The following NBEA variants were observed in gnomAD, a reference collection of about 807,000 sequenced individuals.
The protein encoded by NBEA is lysosomal-trafficking regulator 2.
A neutral mutation model predicts 343.4 loss-of-function variants in NBEA; 44 were observed. The observed-to-expected ratio is 0.13, with a 90% CI of 0.10 to 0.16. The LOEUF is 0.16. Ranked by LOEUF, NBEA falls within the 10% of genes least tolerant of loss-of-function variation. The pLI, the probability that NBEA is intolerant of heterozygous loss-of-function variation, is 1.00. For missense variants in NBEA, 2,555 were observed against 3,631.3 expected (o/e 0.70, Z 7.62); for synonymous variants, 1,175 against 1,238.7 (o/e 0.95, Z 1.08).
At chr13:35,175,823 G>T (rs968870450) in intron 27 of NBEA, among the ~76,000 whole-genome samples, 1 of 151,958 alleles carries the variant, frequency 6.6e-6, no homozygotes, top group African/African-American at 2.4e-5. Flanking sequence ...CAAGTTTCTT[G>T]CATGAATCCC....
chr13:35,061,589 G>T (rs555898632), intron 8 of NBEA, among the ~76,000 whole-genome samples: 1 of 151,806 alleles, frequency 6.6e-6, no homozygotes, highest in Admixed American at 6.6e-5. Context: ...TTCATTGCCA[G>T]ATATTTGAAA....
chr13:35,427,703 T>G (rs182044629), intron 38 of NBEA, among the ~76,000 whole-genome samples: 2,055 of 152,240 alleles, frequency 0.013, 58 homozygotes, highest in African/African-American at 0.047. Flanking sequence ...ACTGCTGTCT[T>G]TTTGTTTGTC....
Position 35,164,393 on chromosome 13 carries a change from A to G in NBEA, c.4117A>G (p.Asn1373Asp). Reference protein sequence around the residue: ...TKSVMDFVNSNENIIFVHNTI... With the variant: ...TKSVMDFVNSDENIIFVHNTI... ...GTCTGTAATGGATTTTGTCAATAGCAATGAAAATATTATTTTTGTACATAA... is the reference window on the plus strand; with the variant it reads ...GTCTGTAATGGATTTTGTCAATAGCGATGAAAATATTATTTTTGTACATAA... The change falls in exon 24 of 59, where the codon AAT becomes GAT. Residue 1373 changes from asparagine (N) to aspartate (D), a missense_variant. Asn to Asp is a conservative substitution (Grantham distance 23). Around this residue, in one of 21 missense-constraint regions of NBEA, gnomAD observed 69 missense variants for 128.8 expected, o/e 0.54. Coordinates refer to ENST00000379939, the MANE Select transcript of NBEA (RefSeq NM_001385012.1). 1 of 1,590,202 alleles carries G rather than the reference A, an allele frequency of 6.3e-7. No individual in the cohort carries two copies. Among genetic ancestry groups the G allele is most frequent in the Non-Finnish European group, 8.6e-7 (1 of 1,166,174 alleles).
intron 38 of NBEA, among the ~76,000 whole-genome samples, chr13:35,386,138 A>G (rs2152895832): frequency 6.6e-6 from 1 of 152,246 alleles, no homozygotes; most frequent in Non-Finnish European, 1.5e-5. Context: ...AATTTGGAAG[A>G]TTTTTTTAAA....
At chr13:35,333,618 C>T (rs2039065647) in intron 36 of NBEA, among the ~76,000 whole-genome samples, 4 of 151,948 alleles carry the variant, frequency 2.6e-5, no homozygotes, top group Admixed American at 2.6e-4. Context: ...TTGTGCTATT[C>T]AATATTAGGC....
chr13:35,308,470 A>ATG (rs2037080778), intron 35 of NBEA, among the ~76,000 whole-genome samples: 2 of 103,120 alleles, frequency 1.9e-5, no homozygotes, highest in African/African-American at 7.8e-5. Flanking sequence ...ATATATATAT[A>ATG]TATGTATATA....
At chr13:35,306,784 A>G (rs1376716415) in intron 35 of NBEA, among the ~76,000 whole-genome samples, 1 of 151,990 alleles carries the variant, frequency 6.6e-6, no homozygotes, top group African/African-American at 2.4e-5. Context: ...CTGTTCTTAA[A>G]TTTTGATAGA....
intron 45 of NBEA, among the ~76,000 whole-genome samples, chr13:35,574,756 GA>G (rs2080647243): frequency 6.9e-6 from 1 of 144,390 alleles, no homozygotes; most frequent in Admixed American, 6.9e-5. Context: ...AGTGCCAATA[GA>G]TTTTTTTTTT....
chr13:35,610,043 C>T (rs572642415), intron 48 of NBEA, among the ~76,000 whole-genome samples: 11 of 152,324 alleles, frequency 7.2e-5, no homozygotes, highest in African/African-American at 2.2e-4. Flanking sequence ...CCTCCAGATT[C>T]GTCCACTGAA....
intron 13 of NBEA, among the ~76,000 whole-genome samples, chr13:35,116,741 A>G (rs1268287443): frequency 6.6e-6 from 1 of 152,046 alleles, no homozygotes; most frequent in East Asian, 1.9e-4. Flanking sequence ...TTTTAAAAGT[A>G]TTCTGTATTG....
chr13:34,944,802 A>G (rs948624024), intron 1 of NBEA, among the ~76,000 whole-genome samples: 1 of 152,188 alleles, frequency 6.6e-6, no homozygotes, highest in Admixed American at 6.5e-5. Context: ...ATATTAGGCT[A>G]TTTTAGTAAG....
intron 17 of NBEA, among the ~76,000 whole-genome samples, chr13:35,130,699 G>A (rs537088061): frequency 2.0e-5 from 3 of 151,744 alleles, no homozygotes; most frequent in Admixed American, 2.0e-4. Context: ...TGGCTTGAGT[G>A]TCATACACGT....
At chr13:35,591,879 T>TCAATA in intron 46 of NBEA, among the ~76,000 whole-genome samples, 1 of 152,212 alleles carries the variant, frequency 6.6e-6, no homozygotes, top group South Asian at 2.1e-4. Context: ...AAATGTCATG[T>TCAATA]AGGTTTCTTA....
chr13:35,483,359 G>A (rs181130725), intron 41 of NBEA, among the ~76,000 whole-genome samples: 2 of 151,994 alleles, frequency 1.3e-5, no homozygotes, highest in African/African-American at 2.4e-5. Context: ...GAAATGTCAA[G>A]ATTTCTCAAT....
At chr13:35,121,597 T>C (rs1425188573) in intron 16 of NBEA, among the ~76,000 whole-genome samples, 1 of 151,962 alleles carries the variant, frequency 6.6e-6, no homozygotes, top group Non-Finnish European at 1.5e-5. Context: ...CATACATATT[T>C]ATGAATGTGG....
intron 35 of NBEA, among the ~76,000 whole-genome samples, chr13:35,300,151 G>A (rs1202349968): frequency 1.3e-5 from 2 of 151,960 alleles, no homozygotes; most frequent in African/African-American, 4.8e-5. Flanking sequence ...ATAGTAATAT[G>A]CACTTAAGAA....
intron 18 of NBEA, among the ~76,000 whole-genome samples, chr13:35,143,226 T>C (rs954431621): frequency 6.6e-6 from 1 of 152,254 alleles, no homozygotes; most frequent in African/African-American, 2.4e-5. Flanking sequence ...CTGTTGCGTG[T>C]AGCTGCTTTT....
chr13:35,400,775 A>G (rs1375055049), intron 38 of NBEA, among the ~76,000 whole-genome samples: 3 of 152,002 alleles, frequency 2.0e-5, no homozygotes, highest in Non-Finnish European at 2.9e-5. Context: ...GGCTATCACA[A>G]TCTCAAGCAA....
chr13:35,055,786 G>A (rs1238383116), intron 6 of NBEA, among the ~76,000 whole-genome samples: 1 of 152,060 alleles, frequency 6.6e-6, no homozygotes. Context: ...TCACGCTGGA[G>A]GTCAAGGGGT....
Sources: gnomAD v4.1 joint callset for allele counts (sites outside exome capture counted in the v4.1 genomes callset) on GRCh38, gnomAD v4.1.1 for gene constraint, gnomAD v4.1.1 regional missense constraint, MANE v1.5 for transcripts, NCBI Gene and HGNC (gene_info 2026-07-23, HGNC 2026-07-21) for gene names.